Variants in MARCHF6 observed in about 807,000 individuals in gnomAD.
MARCHF6 encodes E3 ubiquitin-protein ligase MARCHF6.
In MARCHF6, 31 loss-of-function variants were observed where a neutral mutation model predicts 133.7. That is an observed-to-expected ratio of 0.23 (90% CI 0.17 to 0.31). The LOEUF (loss-of-function observed/expected upper bound fraction) is 0.31, where lower values mean the gene tolerates loss of function less well. Ranked by LOEUF, MARCHF6 falls within the 10% of genes least tolerant of loss-of-function variation. The pLI, the probability that MARCHF6 is intolerant of heterozygous loss-of-function variation, is 1.00. For missense variants in MARCHF6, 723 were observed against 1,121.6 expected (o/e 0.64, Z 5.08); for synonymous variants, 395 against 402.5 (o/e 0.98, Z 0.22).
Position 10,415,597 on chromosome 5 carries a change from G to A in MARCHF6, c.2076G>A (p.Val692=). Reference sequence around the variant, plus strand: ...TTTGCTGGCTAACCATAAGGGCTGTGACGGTGATGGTGGCATGGATGCCTC... The same window carrying A: ...TTTGCTGGCTAACCATAAGGGCTGTAACGGTGATGGTGGCATGGATGCCTC... ...LYVCWLTIRA[V]TVMVAWMPQG... is the part of the protein sequence containing the mutation. Residue 692 remains valine, a synonymous_variant, in exon 21 of 26, where the codon GTG becomes GTA. Transcript: ENST00000274140. 2.5e-6 allele frequency: 4 copies of A among 1,614,170 alleles called. No individual in the cohort carries two copies. The South Asian group carries it at 4.4e-5, about 18-fold the overall frequency.
intron 24 of MARCHF6, among the ~76,000 whole-genome samples, chr5:10,427,075 T>G (rs1440065739): frequency 6.6e-6 from 1 of 152,220 alleles, no homozygotes; most frequent in Non-Finnish European, 1.5e-5. Context: ...GCAGCAAACA[T>G]TATCATCCAA....
At chr5:10,370,002 T>C (rs2126669865) in intron 1 of MARCHF6, among the ~76,000 whole-genome samples, 1 of 151,990 alleles carries the variant, frequency 6.6e-6, no homozygotes, top group Admixed American at 6.6e-5. Context: ...AGGTTAAATA[T>C]ATATTAGTAG....
At chr5:10,390,213 T>G in intron 5 of MARCHF6, 119 bp from the exon 6 acceptor site, 6 of 757,486 alleles carry the variant, frequency 7.9e-6, no homozygotes, top group South Asian at 1.7e-5. Context: ...AAAATTATGA[T>G]TTATTCTTCT....
chr5:10,435,683 A>T lies in MARCHF6; in HGVS notation c.*1999A>T, dbSNP rs1468555166. 8.8e-4 allele frequency: 5 copies of T among 5,700 alleles called. No individual in the cohort carries two copies. The highest frequency in any genetic ancestry group is 4.9e-3 in the African/African-American group (4 of 816). The allele number at this position is 5,700 out of a possible 1,614,324, so 0.4% of individuals were successfully genotyped here. ...TATATATATATATATATATATATAT[A>T]TATATATATATATATTTTTTTTTTT... On this transcript the variant is annotated 3_prime_UTR_variant, in exon 26 of 26. Transcript: ENST00000274140.
chr5:10,391,411 G>A, intron 6 of MARCHF6, 131 bp from the exon 7 acceptor site: 1 of 628,822 alleles, frequency 1.6e-6, no homozygotes, highest in Non-Finnish European at 2.6e-6. Context: ...AGGATTACAG[G>A]CATGAGCCAC....
intron 1 of MARCHF6, among the ~76,000 whole-genome samples, chr5:10,361,826 C>T (rs1449749737): frequency 2.0e-5 from 3 of 152,028 alleles, no homozygotes; most frequent in East Asian, 1.9e-4. Flanking sequence ...TGCAATGGCG[C>T]GATCTCGGCT....
At position 10,353,717 on chromosome 5, in the gene MARCHF6, T is replaced by C. The variant is rs191797699; in HGVS notation, c.-182T>C. On this transcript the variant is annotated 5_prime_UTR_variant, in exon 1 of 26. Transcript: ENST00000274140. The stretch of plus-strand genomic sequence containing the variant: ...GGTGTTCCCGCCCCTCCCCCTCCCG[T>C]GTCGCTCGCTTTCTGTCAGCCTCTC... 7.6e-5 allele frequency: 17 copies of C among 222,750 alleles called. No individual in the cohort carries two copies. The highest frequency in any genetic ancestry group is 1.6e-4 in the Non-Finnish European group (17 of 104,980). The allele number at this position is 222,750 out of a possible 1,614,324, so 13.8% of individuals were successfully genotyped here. A position where few individuals can be genotyped will look rare whatever the true frequency, so the allele number is the denominator to read the frequency against.
intron 1 of MARCHF6, among the ~76,000 whole-genome samples, chr5:10,358,447 A>G (rs1465576456): frequency 6.6e-6 from 1 of 152,192 alleles, no homozygotes; most frequent in African/African-American, 2.4e-5. Flanking sequence ...CCAATGTCAG[A>G]TGGAAAATAC....
chr5:10,416,328 T>C (rs1220577344), intron 21 of MARCHF6, among the ~76,000 whole-genome samples: 1 of 152,250 alleles, frequency 6.6e-6, no homozygotes, highest in African/African-American at 2.4e-5. Flanking sequence ...TTTATCGATT[T>C]ATATTTTGAT....
In MARCHF6 at chr5:10,407,953, T is replaced by TCCC. The variant is rs11349150; in HGVS notation, c.1553+761_1553+763dup. 1.3e-3 allele frequency among the ~76,000 whole-genome samples: 110 copies of TCCC among 81,900 alleles called. 9 individuals are homozygous for TCCC. The highest frequency in any genetic ancestry group is 5.7e-3 in the African/African-American group (105 of 18,498). The allele number at this position is 81,900 out of a possible 152,430, so 53.7% of individuals were successfully genotyped here. ...CTTGGGCAACAAGAGTGAAACTGCATCCCCCCCCCCCCAAAAAAAAAAGCC... is the reference window on the plus strand; with the variant it reads ...CTTGGGCAACAAGAGTGAAACTGCATCCCCCCCCCCCCCCCAAAAAAAAAAGCC... On this transcript the variant is annotated intron_variant, in intron 17 of 25. Transcript: ENST00000274140.
intron 22 of MARCHF6, 119 bp from the exon 23 acceptor site, chr5:10,423,616 G>T: frequency 1.9e-6 from 1 of 535,082 alleles, no homozygotes. Context: ...TAAAATTGTT[G>T]CCAATCCTAT....
rs534822377 is a variant in MARCHF6 at position 10,387,173 on chromosome 5, C to G, written c.407+107C>G. On this transcript the variant is annotated intron_variant, in intron 5 of 25. Transcript: ENST00000274140. ...TTTGTAAATTCTTTTGTTTTGAGAA[C>G]AATAATTTATGTCTATTACACTAAC... The G allele has an allele frequency of 2.4e-4, 189 of 785,564 alleles. No homozygotes were observed. The African/African-American group carries it at 2.8e-3, about 11-fold the overall frequency. The allele number at this position is 785,564 out of a possible 1,614,324, so 48.7% of individuals were successfully genotyped here. A position where few individuals can be genotyped will look rare whatever the true frequency, so the allele number is the denominator to read the frequency against.
intron 1 of MARCHF6, among the ~76,000 whole-genome samples, chr5:10,375,978 T>A (rs912567986): frequency 5.3e-5 from 8 of 152,130 alleles, no homozygotes; most frequent in African/African-American, 1.9e-4. Flanking sequence ...GGAGAACCTT[T>A]GTATCTAGCT....
At chr5:10,360,874 A>G (rs1320279860) in intron 1 of MARCHF6, among the ~76,000 whole-genome samples, 1 of 152,198 alleles carries the variant, frequency 6.6e-6, no homozygotes, top group Non-Finnish European at 1.5e-5. Flanking sequence ...CCTGTGAGTG[A>G]TTATTGCTGG....
At chr5:10,368,715 T>TGTGCGCC (rs1258586428) in intron 1 of MARCHF6, among the ~76,000 whole-genome samples, 32 of 152,224 alleles carry the variant, frequency 2.1e-4, no homozygotes, top group Non-Finnish European at 4.3e-4. Context: ...AAGTAGCTGG[T>TGTGCGCC]ACTACAGGTG....
intron 3 of MARCHF6, among the ~76,000 whole-genome samples, chr5:10,379,066 T>G (rs941471942): frequency 4.7e-5 from 3 of 63,626 alleles, no homozygotes; most frequent in African/African-American, 1.7e-4. Context: ...TTGTGGGGTG[T>G]TTTTTTTTGT....
chr5:10,362,944 G>T (rs1163030802), intron 1 of MARCHF6, among the ~76,000 whole-genome samples: 1 of 152,046 alleles, frequency 6.6e-6, no homozygotes, highest in Non-Finnish European at 1.5e-5. Context: ...AAATATAAAG[G>T]ATATCGTTTT....
At chr5:10,412,158 G>A (rs568596348) in intron 19 of MARCHF6, among the ~76,000 whole-genome samples, 3 of 152,082 alleles carry the variant, frequency 2.0e-5, no homozygotes, top group African/African-American at 7.2e-5. Flanking sequence ...TTCTTTTTTT[G>A]TAAAAATAGT....
At chr5:10,354,937 C>G (rs1362939490) in intron 1 of MARCHF6, among the ~76,000 whole-genome samples, 2 of 151,996 alleles carry the variant, frequency 1.3e-5, no homozygotes, top group African/African-American at 4.8e-5. Context: ...TTGATAACGA[C>G]TTATTTTTTT....
Sources: gnomAD v4.1 joint callset for allele counts (sites outside exome capture counted in the v4.1 genomes callset) on GRCh38, gnomAD v4.1.1 for gene constraint, MANE v1.5 for transcripts, NCBI Gene and HGNC (gene_info 2026-07-23, HGNC 2026-07-21) for gene names.